The following FAT3 variants were observed in gnomAD, a reference collection of about 807,000 sequenced individuals.
FAT3 encodes the protein FAT atypical cadherin 3.
A neutral mutation model predicts 310.2 loss-of-function variants in FAT3; 95 were observed. The observed-to-expected ratio is 0.31, with a 90% CI of 0.26 to 0.36. The LOEUF (loss-of-function observed/expected upper bound fraction) is 0.36, where lower values mean the gene tolerates loss of function less well. Ranked by LOEUF, FAT3 falls within the 10% of genes least tolerant of loss-of-function variation. The pLI, the probability that FAT3 is intolerant of heterozygous loss-of-function variation, is 1.00. For missense variants in FAT3, 5,408 were observed against 5,715.6 expected, an observed-to-expected ratio of 0.95 and a Z score of 1.74; for synonymous variants, 2,314 against 2,192.9, an observed-to-expected ratio of 1.06 and a Z score of -1.54.
intron 3 of FAT3, among the ~76,000 whole-genome samples, chr11:92,637,365 A>C (rs1941802121): frequency 1.3e-5 from 2 of 152,118 alleles, no homozygotes; most frequent in African/African-American, 4.8e-5. Context: ...CTCAAAAGAG[A>C]GAATGGCTAA....
chr11:92,499,117 G>T (rs559677647), intron 2 of FAT3, among the ~76,000 whole-genome samples: 9 of 152,150 alleles, frequency 5.9e-5, no homozygotes, highest in African/African-American at 1.7e-4. Context: ...CCTACCTTGT[G>T]CTGGGTGCTG....
chr11:92,838,600 T>C (rs1287239679), intron 17 of FAT3, among the ~76,000 whole-genome samples: 1 of 152,130 alleles, frequency 6.6e-6, no homozygotes, highest in African/African-American at 2.4e-5. Context: ...CAGAGTGATA[T>C]GCATGACTTG....
chr11:92,436,063 C>G (rs920565090), intron 2 of FAT3, among the ~76,000 whole-genome samples: 2 of 152,108 alleles, frequency 1.3e-5, no homozygotes, highest in South Asian at 2.1e-4. Flanking sequence ...ATTCACAGGC[C>G]AGAAGGGCTC....
rs117273012 is a variant in FAT3 at position 92,390,367 on chromosome 11, G to A, written c.3292+34963G>A. Reference sequence around the variant, plus strand: ...ACCCACAGGGAGAGAAGCAAAGCAAGTATGGAGAGTTTGTCCAGCACTAGC... The same window carrying A: ...ACCCACAGGGAGAGAAGCAAAGCAAATATGGAGAGTTTGTCCAGCACTAGC... On this transcript the variant is annotated intron_variant, in intron 2 of 27. Transcript: ENST00000525166. Among the ~76,000 whole-genome samples the A allele has an allele frequency of 5.3e-5, 8 of 152,266 alleles. No individual in the cohort carries two copies. In the East Asian group the frequency reaches 1.5e-3, roughly 29 times the overall value.
chr11:92,716,185 TAAATGGGCA>T (rs1186434902), intron 4 of FAT3, among the ~76,000 whole-genome samples: 1 of 152,104 alleles, frequency 6.6e-6, no homozygotes, highest in Non-Finnish European at 1.5e-5. Flanking sequence ...GATACCTGGA[TAAATGGGCA>T]AAACTCAGTG....
chr11:92,442,984 G>A (rs1409566727), intron 2 of FAT3, among the ~76,000 whole-genome samples: 1 of 152,048 alleles, frequency 6.6e-6, no homozygotes, highest in Non-Finnish European at 1.5e-5. Flanking sequence ...TTAACAATTC[G>A]ACACGATAAG....
In FAT3 at chr11:92,840,773, C is replaced by T; in HGVS notation, c.10566+14C>T. On this transcript the variant is annotated intron_variant, in intron 18 of 27. Transcript: ENST00000525166. ...TTGTGTGTCCAGGTATGGCATCGCA[C>T]TCTGTCTCCGTCGTGCTGTCTTTCT... is the stretch of plus-strand genomic sequence containing the variant. The T allele has an allele frequency of 6.5e-7, 1 of 1,543,016 alleles. No individual in the cohort carries two copies. Among genetic ancestry groups the T allele is most frequent in the Non-Finnish European group, 8.8e-7 (1 of 1,131,724 alleles).
At chr11:92,604,870 T>C (rs182617685) in intron 3 of FAT3, among the ~76,000 whole-genome samples, 13 of 152,362 alleles carry the variant, frequency 8.5e-5, no homozygotes, top group Admixed American at 3.3e-4. Context: ...TGGGCTCTGC[T>C]AGGCATTAGC....
chr11:92,727,518 T>C (rs1419619759), intron 4 of FAT3, among the ~76,000 whole-genome samples: 1 of 152,142 alleles, frequency 6.6e-6, no homozygotes, highest in Non-Finnish European at 1.5e-5. Flanking sequence ...TTTTAATTGA[T>C]TTGTAATTAA....
chr11:92,399,141 A>G (rs1949953142), intron 2 of FAT3, among the ~76,000 whole-genome samples: 1 of 152,208 alleles, frequency 6.6e-6, no homozygotes, highest in African/African-American at 2.4e-5. Context: ...ACATACACAT[A>G]TATACACATA....
intron 25 of FAT3, 47 bp downstream of exon 25, chr11:92,887,160 G>C (rs765760049): frequency 6.6e-7 from 1 of 1,507,554 alleles, no homozygotes; most frequent in Non-Finnish European, 9.1e-7. Flanking sequence ...TCTGCTTCCT[G>C]TTCTGGAAGA....
chr11:92,536,873 G>A (rs1398064935), intron 3 of FAT3, among the ~76,000 whole-genome samples: 3 of 152,124 alleles, frequency 2.0e-5, no homozygotes, highest in African/African-American at 7.2e-5. Flanking sequence ...AACTTCCCAA[G>A]AGTAAAATTA....
chr11:92,360,364 C>A (rs1403112583), intron 2 of FAT3, among the ~76,000 whole-genome samples: 1 of 152,182 alleles, frequency 6.6e-6, no homozygotes, highest in Non-Finnish European at 1.5e-5. Flanking sequence ...TAATAATGTT[C>A]ACAGTAAATG....
chr11:92,493,786 G>A (rs1477238131), intron 2 of FAT3, among the ~76,000 whole-genome samples: 3 of 152,022 alleles, frequency 2.0e-5, no homozygotes, highest in African/African-American at 7.2e-5. Flanking sequence ...CTGAAGGCTA[G>A]TGGTAACAAT....
intron 3 of FAT3, among the ~76,000 whole-genome samples, chr11:92,649,370 A>C (rs1942286583): frequency 2.0e-5 from 3 of 152,214 alleles, no homozygotes; most frequent in Non-Finnish European, 4.4e-5. Flanking sequence ...CTTTATCTGC[A>C]ACTATATCCC....
In FAT3 at chr11:92,653,817, C is replaced by T. The variant is rs146400842; in HGVS notation, c.3608-43567C>T. 5.0e-3 allele frequency among the ~76,000 whole-genome samples: 762 copies of T among 152,254 alleles called. 4 individuals carry two copies. Among genetic ancestry groups the T allele is most frequent in the Non-Finnish European group, 8.4e-3 (570 of 68,016 alleles). The stretch of plus-strand genomic sequence containing the variant: ...ATTTTAAATATATTCACTATCCTTT[C>T]CTATTTTTCACTAGAATAGATTATT... On this transcript the variant is annotated intron_variant, in intron 3 of 27. Transcript: ENST00000525166.
At chr11:92,697,152 G>A (rs1943967815) in intron 3 of FAT3, among the ~76,000 whole-genome samples, 1 of 152,118 alleles carries the variant, frequency 6.6e-6, no homozygotes, top group African/African-American at 2.4e-5. Flanking sequence ...CATCCCCAAA[G>A]TGGGATGTAC....
chr11:92,509,825 A>T (rs1953233928), intron 2 of FAT3, among the ~76,000 whole-genome samples: 1 of 152,228 alleles, frequency 6.6e-6, no homozygotes, highest in Non-Finnish European at 1.5e-5. Flanking sequence ...GCAATGCAAC[A>T]AAGACACCAA....
intron 3 of FAT3, among the ~76,000 whole-genome samples, chr11:92,587,089 T>G (rs1939194403): frequency 6.6e-6 from 1 of 152,044 alleles, no homozygotes; most frequent in Non-Finnish European, 1.5e-5. Flanking sequence ...TCACTGACTT[T>G]CTTTTAGAGA....
Sources: allele counts gnomAD v4.1 joint callset (sites outside exome capture counted in the v4.1 genomes callset), GRCh38; gene constraint gnomAD v4.1.1; transcripts MANE v1.5; gene names NCBI Gene and HGNC (gene_info 2026-07-23, HGNC 2026-07-21).